The following TECTA variants were observed in gnomAD, a reference collection of about 807,000 sequenced individuals.
TECTA encodes the protein alpha-tectorin.
In TECTA, 128 loss-of-function variants were observed where a neutral mutation model predicts 216.8. The ratio of observed to expected loss-of-function variants is 0.59; its 90% CI spans 0.51 to 0.68. The LOEUF (loss-of-function observed/expected upper bound fraction) is 0.68, where lower values mean the gene tolerates loss of function less well. Among genes scored for constraint, TECTA ranks in the 30% least tolerant of loss-of-function variants. The probability of loss-of-function intolerance (pLI) is 0.00; values close to 1 mark genes in which losing one functional copy is unlikely to be tolerated. For synonymous variants in TECTA, 1,089 were observed against 1,117.1 expected, an observed-to-expected ratio of 0.97 and a Z score of 0.50; for missense variants, 2,551 against 2,786.2, an observed-to-expected ratio of 0.92 and a Z score of 1.90.
rs764337303 is a variant in TECTA, at chr11:121,190,797, G to T, written c.6459G>T (p.Thr2153=). Residue 2153 remains threonine, a synonymous_variant, in exon 24 of 24, where the codon ACG becomes ACT. Coordinates refer to ENST00000392793, the MANE Select transcript of TECTA (RefSeq NM_005422.4). ...SLWHFVYKSG[T]TS ...GGCATTTTGTCTATAAATCAGGCACGACCTCATAATTAACTCAAGGTTGCT... is the reference window on the plus strand; with the variant it reads ...GGCATTTTGTCTATAAATCAGGCACTACCTCATAATTAACTCAAGGTTGCT... 8 of 1,610,724 alleles carry T rather than the reference G, an allele frequency of 5.0e-6. No homozygotes were observed. The Admixed American group carries it at 1.2e-4, about 24-fold the overall frequency.
At chr11:121,180,349 T>C (rs1453934568) in intron 20 of TECTA, among the ~76,000 whole-genome samples, 1 of 152,226 alleles carries the variant, frequency 6.6e-6, no homozygotes, top group Admixed American at 6.5e-5. Flanking sequence ...GTCTGGGAAA[T>C]ACTATTTTTC....
At position 121,146,055 on chromosome 11, in the gene TECTA, C is replaced by T. The variant is rs758718634; in HGVS notation, c.4044C>T (p.Tyr1348=). ...CCGCCTGCAGCTGGCTGCAGAACTACGCCAGCACCTGCCAGACTCAGGGGA... is the reference window on the plus strand; with the variant it reads ...CCGCCTGCAGCTGGCTGCAGAACTATGCCAGCACCTGCCAGACTCAGGGGA... The part of the protein sequence containing the change: ...VQTACSWLQN[Y]ASTCQTQGIT... Residue 1348 remains tyrosine (Y), a synonymous_variant, in exon 12 of 24, where the codon TAC becomes TAT. Coordinates refer to ENST00000392793, the MANE Select transcript of TECTA (RefSeq NM_005422.4). 128 of 1,613,362 alleles carry T rather than the reference C, an allele frequency of 7.9e-5. No individual in the cohort carries two copies. The highest frequency in any genetic ancestry group is 9.8e-5 in the Non-Finnish European group (116 of 1,180,050).
rs2135106878 is a variant in TECTA at position 121,146,071 on chromosome 11, A to C, written c.4060A>C (p.Thr1354Pro). Residue 1354 changes from threonine (T) to proline (P), a missense_variant, in exon 12 of 24, where the codon ACT (threonine) becomes CCT (proline). Physicochemically the swap from Thr to Pro is conservative, Grantham distance 38. Around this residue, in one of 3 missense-constraint regions of TECTA, gnomAD observed 2,375 missense variants for 2,563.9 expected, o/e 0.93. Transcript: ENST00000392793. ...WLQNYASTCQTQGITVTGWRN... is the reference protein window; with the variant it reads ...WLQNYASTCQPQGITVTGWRN... ...GCAGAACTACGCCAGCACCTGCCAG[A>C]CTCAGGGGATTACGGTGACTGGCTG... 1.9e-6 allele frequency: 3 copies of C among 1,612,838 alleles called. No individual in the cohort carries two copies. Among genetic ancestry groups the C allele is most frequent in the Non-Finnish European group, 2.5e-6 (3 of 1,180,028 alleles).
rs1947315572 is a variant in TECTA at position 121,189,081 on chromosome 11, C to T, written c.6164C>T (p.Thr2055Ile). The T allele has an allele frequency of 6.2e-7, 1 of 1,614,040 alleles. No homozygotes were observed. The highest frequency in any genetic ancestry group is 8.5e-7 in the Non-Finnish European group (1 of 1,180,008). ...TCCCCCTGGTATTCTGTCTTGCAGA[C>T]TTGCCCACACAATTCCAGGATTGCC... ...CDSEKYSCKI[T>I]CPHNSRIATD... The change falls in exon 22 of 24, where the codon ACT (threonine) becomes ATT (isoleucine). Residue 2055 changes from threonine (T) to isoleucine (I), a missense_variant and splice_region_variant. Transcript: ENST00000392793.
rs766661311 is a variant in TECTA, at chr11:121,160,117, T to C, written c.4690-18T>C. ...CCTACTCTAAGCGTAATTATTTTCTTTTTTCCTCCTCCAATAGGTGAATGG... is the reference window on the plus strand; with the variant it reads ...CCTACTCTAAGCGTAATTATTTTCTCTTTTCCTCCTCCAATAGGTGAATGG... On this transcript the variant is annotated intron_variant, in intron 14 of 23. Coordinates refer to ENST00000392793, the MANE Select transcript of TECTA (RefSeq NM_005422.4). 4 of 1,614,210 alleles carry C rather than the reference T, an allele frequency of 2.5e-6. No individual in the cohort carries two copies. Among genetic ancestry groups the C allele is most frequent in the Middle Eastern group, 3.3e-4 (2 of 6,062 alleles).
chr11:121,104,756 G>C (rs1210118382), intron 2 of TECTA, among the ~76,000 whole-genome samples: 5 of 151,984 alleles, frequency 3.3e-5, no homozygotes, highest in Non-Finnish European at 1.5e-5. Flanking sequence ...CATGAGAATG[G>C]GGGTGTCGGC....
chr11:121,174,770 C>A (rs1231019295), intron 20 of TECTA, among the ~76,000 whole-genome samples: 1 of 152,056 alleles, frequency 6.6e-6, no homozygotes, highest in Non-Finnish European at 1.5e-5. Flanking sequence ...GGAATGGTAC[C>A]AGTTCCTCCT....
In TECTA at chr11:121,168,345, A is replaced by G. The variant is rs1162265330; in HGVS notation, c.5750+128A>G. 7.8e-6 allele frequency: 10 copies of G among 1,286,262 alleles called. No individual in the cohort carries two copies. The South Asian group carries it at 9.6e-5, about 12-fold the overall frequency. The allele number at this position is 1,286,262 out of a possible 1,614,324, so 79.7% of individuals were successfully genotyped here. A position where few individuals can be genotyped will look rare whatever the true frequency, so the allele number is the denominator to read the frequency against. On this transcript the variant is annotated intron_variant, in intron 19 of 23. Coordinates refer to ENST00000392793, the MANE Select transcript of TECTA (RefSeq NM_005422.4). Reference sequence around the variant, plus strand: ...AACATAATTCACGTTTCTTGAGCCTAAATGCTTTCAACCAACATTGTTCAA... The same window carrying G: ...AACATAATTCACGTTTCTTGAGCCTGAATGCTTTCAACCAACATTGTTCAA...
intron 12 of TECTA, among the ~76,000 whole-genome samples, chr11:121,148,817 C>T (rs1946864032): frequency 1.3e-5 from 2 of 152,164 alleles, no homozygotes; most frequent in Admixed American, 6.5e-5. Flanking sequence ...TTTGTAAACT[C>T]GTTGGAAAAT....
intron 20 of TECTA, among the ~76,000 whole-genome samples, chr11:121,171,027 A>G (rs1302813082): frequency 6.6e-6 from 1 of 151,968 alleles, no homozygotes; most frequent in Non-Finnish European, 1.5e-5. Flanking sequence ...AAGCATGTTC[A>G]CTTTGTTTTC....
rs1482950433 is a variant in TECTA at position 121,113,558 on chromosome 11, A to T, written c.630A>T (p.Gly210=). ...TGLGGVMAQA[G]FNGGNLTNFF... is the part of the protein sequence containing the mutation. Reference sequence around the variant, plus strand: ...GTCTTCCTTTTGTGCTGCAGGCAGGATTTAATGGTGGAAACCTCACCAATT... The same window carrying T: ...GTCTTCCTTTTGTGCTGCAGGCAGGTTTTAATGGTGGAAACCTCACCAATT... The change falls in exon 6 of 24, where the codon GGA becomes GGT. Residue 210 remains glycine, a synonymous_variant. Coordinates refer to ENST00000392793, the MANE Select transcript of TECTA (RefSeq NM_005422.4). The surrounding 1 kb of genome is among the most constrained non-coding windows in gnomAD (Gnocchi z 4.2). 10 of 1,613,888 alleles carry T rather than the reference A, an allele frequency of 6.2e-6. No homozygotes were observed. Among genetic ancestry groups the T allele is most frequent in the Non-Finnish European group, 8.5e-6 (10 of 1,180,042 alleles).
At chr11:121,157,213 C>A (rs1391815118) in intron 13 of TECTA, among the ~76,000 whole-genome samples, 4 of 152,168 alleles carry the variant, frequency 2.6e-5, no homozygotes, top group Non-Finnish European at 5.9e-5. Flanking sequence ...ACCAAATATT[C>A]TTCCTCTTTA....
chr11:121,160,196 G>C lies in TECTA; in HGVS notation c.4751G>C (p.Ser1584Thr), dbSNP rs34963131. 3.8e-3 allele frequency: 6,109 copies of C among 1,614,140 alleles called. 212 individuals carry two copies. In the African/African-American group the frequency reaches 0.072, roughly 19 times the overall value. The change falls in exon 15 of 24, where the codon AGT (serine) becomes ACT (threonine). Residue 1584 changes from serine to threonine, a missense_variant. By Grantham distance (58) the Ser-to-Thr change is moderately conservative (BLOSUM62 1). This residue lies in a region of TECTA where 2,375 missense variants were observed against 2,563.9 expected (regional missense o/e 0.93). Transcript: ENST00000392793. ...GGTTTGGCAACCAAAATCTACAGCAGTGAGGGGTTTCTGGTGATTGACACC... is the reference window on the plus strand; with the variant it reads ...GGTTTGGCAACCAAAATCTACAGCACTGAGGGGTTTCTGGTGATTGACACC... The part of the protein sequence containing the change: ...ITGLATKIYS[S>T]EGFLVIDTSP...
intron 12 of TECTA, among the ~76,000 whole-genome samples, chr11:121,150,709 G>GTT: frequency 7.1e-6 from 1 of 140,218 alleles, no homozygotes; most frequent in Admixed American, 7.7e-5. Flanking sequence ...GCAGTGGCAC[G>GTT]ATCTCAGCTC....
intron 21 of TECTA, among the ~76,000 whole-genome samples, chr11:121,188,237 C>G (rs1224185571): frequency 6.6e-6 from 1 of 152,206 alleles, no homozygotes; most frequent in African/African-American, 2.4e-5. Context: ...AAGCTCGGCA[C>G]TGTTGACGTT....
At position 121,105,744 on chromosome 11, in the gene TECTA, G is replaced by A; in HGVS notation, c.65-87G>A. The A allele has an allele frequency of 6.4e-7, 1 of 1,565,630 alleles. No homozygotes were observed. Among genetic ancestry groups the A allele is most frequent in the Non-Finnish European group, 8.7e-7 (1 of 1,147,800 alleles). On this transcript the variant is annotated intron_variant, in intron 2 of 23. Transcript: ENST00000392793. This position sits in a 1 kb window ranked among gnomAD's most constrained non-coding sequence, Gnocchi z 5.3. ...ATTCAGCTTGCAAGCCCTACTGAAA[G>A]AAGCTGGCTTCAGTAGGTAGGAGAG...
chr11:121,163,210 G>A (rs1166493824), intron 16 of TECTA, among the ~76,000 whole-genome samples: 1 of 152,030 alleles, frequency 6.6e-6, no homozygotes, highest in Non-Finnish European at 1.5e-5. Context: ...ATTAAGTGTA[G>A]GAATACACTT....
chr11:121,143,693 C>T (rs1591452052), intron 11 of TECTA, among the ~76,000 whole-genome samples: 3 of 152,206 alleles, frequency 2.0e-5, no homozygotes, highest in South Asian at 2.1e-4. Flanking sequence ...TCTGCCTCAA[C>T]AAATACTCAC....
At chr11:121,161,445 T>C (rs1192532326) in intron 15 of TECTA, among the ~76,000 whole-genome samples, 3 of 151,938 alleles carry the variant, frequency 2.0e-5, no homozygotes. Context: ...TAAGCCATTG[T>C]AGTGTTTCCA....
Sources: gnomAD v4.1 joint callset for allele counts (sites outside exome capture counted in the v4.1 genomes callset) on GRCh38, gnomAD v4.1.1 for gene constraint, gnomAD v4.1.1 regional missense constraint, Gnocchi (gnomAD v3.1) non-coding constraint, MANE v1.5 for transcripts, NCBI Gene and HGNC (gene_info 2026-07-23, HGNC 2026-07-21) for gene names.